The following PARN variants were observed in gnomAD, a reference collection of about 807,000 sequenced individuals.
The protein encoded by PARN is poly(A)-specific ribonuclease PARN.
A neutral mutation model predicts 102.8 loss-of-function variants in PARN; 71 were observed. The observed-to-expected ratio is 0.69, with a 90% CI of 0.57 to 0.84. The LOEUF is 0.84. Among genes scored for constraint, PARN ranks in the 40% least tolerant of loss-of-function variants. PARN has a pLI of 0.00. For synonymous variants in PARN, 261 were observed against 252.9 expected, an observed-to-expected ratio of 1.03 and a Z score of -0.30; for missense variants, 782 against 760.9, an observed-to-expected ratio of 1.03 and a Z score of -0.33.
chr16:14,610,201 G>A (rs1971444084), intron 7 of PARN, among the ~76,000 whole-genome samples: 1 of 152,208 alleles, frequency 6.6e-6, no homozygotes, highest in African/African-American at 2.4e-5. Context: ...GGCTAGGCAT[G>A]CTGGCTCATG....
chr16:14,470,293 G>A (rs1480075488), intron 22 of PARN, among the ~76,000 whole-genome samples: 1 of 151,848 alleles, frequency 6.6e-6, no homozygotes, highest in Admixed American at 6.6e-5. Flanking sequence ...GCCTTTAAAT[G>A]GAAATACTGA....
intron 21 of PARN, among the ~76,000 whole-genome samples, chr16:14,518,645 G>A (rs117988436): frequency 0.028 from 4,298 of 152,102 alleles, 83 homozygotes; most frequent in Non-Finnish European, 0.041. Flanking sequence ...GAAAAACAAT[G>A]GAAGGATGAA....
rs145713324 is a variant in PARN, at chr16:14,472,870, C to T, written c.1670+9768G>A. Among the ~76,000 whole-genome samples, 1,288 of 152,274 alleles carry T rather than the reference C, an allele frequency of 8.5e-3. 13 individuals are homozygous for T. Among genetic ancestry groups the T allele is most frequent in the African/African-American group, 0.029 (1,222 of 41,542 alleles). ...GGAATACACTTTCTTCTCAATGTCC[C>T]ATTTATGCAACTTTTTTTCTCTACA... is the stretch of plus-strand genomic sequence containing the variant. On this transcript the variant is annotated intron_variant, in intron 22 of 23. Coordinates refer to ENST00000437198, the MANE Select transcript of PARN (RefSeq NM_002582.4).
At chr16:14,558,915 C>T (rs1366237385) in intron 18 of PARN, among the ~76,000 whole-genome samples, 1 of 151,988 alleles carries the variant, frequency 6.6e-6, no homozygotes, top group Non-Finnish European at 1.5e-5. Flanking sequence ...AACTGAGAAG[C>T]CCAGGGAAAA....
At chr16:14,495,834 T>A (rs1964285349) in intron 21 of PARN, among the ~76,000 whole-genome samples, 1 of 151,132 alleles carries the variant, frequency 6.6e-6, no homozygotes, top group Admixed American at 6.6e-5. Context: ...AGGAGGGAGG[T>A]GTGTGCGCGG....
At chr16:14,475,307 G>A (rs1233291017) in intron 22 of PARN, among the ~76,000 whole-genome samples, 2 of 152,246 alleles carry the variant, frequency 1.3e-5, no homozygotes, top group African/African-American at 2.4e-5. Flanking sequence ...AGTTGCGAGT[G>A]TTGGTGTTGG....
At chr16:14,592,051 A>G in intron 13 of PARN, 1 of 152,068 alleles carries the variant, frequency 6.6e-6, no homozygotes, top group East Asian at 1.9e-4. Flanking sequence ...AAAAAAAAAG[A>G]ATCCAGATGT....
intron 6 of PARN, among the ~76,000 whole-genome samples, chr16:14,614,332 T>G (rs905918153): frequency 6.6e-6 from 1 of 151,800 alleles, no homozygotes; most frequent in Non-Finnish European, 1.5e-5. Flanking sequence ...GCCATTGGTA[T>G]AGAGGACTAA....
intron 21 of PARN, among the ~76,000 whole-genome samples, chr16:14,497,491 C>T (rs1964377280): frequency 6.6e-6 from 1 of 152,126 alleles, no homozygotes; most frequent in African/African-American, 2.4e-5. Flanking sequence ...GCACACACAC[C>T]ACCTGCATCA....
intron 22 of PARN, among the ~76,000 whole-genome samples, chr16:14,475,825 C>T (rs969397487): frequency 3.9e-5 from 6 of 152,114 alleles, no homozygotes; most frequent in Non-Finnish European, 7.4e-5. Flanking sequence ...TATGCCATTT[C>T]CCCCATACTT....
At chr16:14,580,969 T>G (rs1336715279) in intron 17 of PARN, 26 bp from the exon 18 acceptor site, 2 of 1,449,634 alleles carry the variant, frequency 1.4e-6, no homozygotes, top group Non-Finnish European at 1.9e-6. Context: ...AGAGAGGTAT[T>G]ATTATTCATA....
chr16:14,629,534 G>A (rs1972898966), intron 2 of PARN, 63 bp downstream of exon 2: 5 of 1,189,986 alleles, frequency 4.2e-6, no homozygotes, highest in Non-Finnish European at 6.3e-6. Flanking sequence ...GGGGGCTGGG[G>A]GATTGAAGGA....
rs569552816 is a variant in PARN at position 14,538,188 on chromosome 16, T to C, written c.1480+13833A>G. ...ACTAGGTTGTAAGATCATGGCTGAATTGTTTTCCTTGTATTTTCAAATATT... is the reference window on the plus strand; with the variant it reads ...ACTAGGTTGTAAGATCATGGCTGAACTGTTTTCCTTGTATTTTCAAATATT... On this transcript the variant is annotated intron_variant, in intron 21 of 23. Coordinates refer to ENST00000437198, the MANE Select transcript of PARN (RefSeq NM_002582.4). Among the ~76,000 whole-genome samples the C allele has an allele frequency of 2.6e-5, 4 of 152,118 alleles. No individual in the cohort carries two copies. In the South Asian group the frequency reaches 6.2e-4, roughly 24 times the overall value.
chr16:14,485,798 G>A (rs1596491669), intron 21 of PARN, among the ~76,000 whole-genome samples: 2 of 151,930 alleles, frequency 1.3e-5, no homozygotes, highest in African/African-American at 4.8e-5. Context: ...AGTGATTCTC[G>A]TGCCTCAGCC....
chr16:14,629,069 G>A (rs1305741845), intron 2 of PARN, among the ~76,000 whole-genome samples: 2 of 152,196 alleles, frequency 1.3e-5, no homozygotes, highest in African/African-American at 4.8e-5. Context: ...CCACTTATAT[G>A]AGATGTTAAG....
At chr16:14,567,853 G>C (rs140488024) in intron 18 of PARN, among the ~76,000 whole-genome samples, 4 of 152,094 alleles carry the variant, frequency 2.6e-5, no homozygotes, top group Non-Finnish European at 5.9e-5. Context: ...TAACACACAG[G>C]GTAGGTATTT....
chr16:14,463,532 T>A (rs1334800292), intron 22 of PARN, among the ~76,000 whole-genome samples: 4 of 151,886 alleles, frequency 2.6e-5, no homozygotes, highest in Non-Finnish European at 4.4e-5. Context: ...ATTAACAGAG[T>A]AGGACACTGA....
intron 23 of PARN, 146 bp from the exon 24 acceptor site, chr16:14,436,918 C>G (rs1960731576): frequency 2.2e-5 from 14 of 643,492 alleles, no homozygotes; most frequent in Admixed American, 5.3e-5. Flanking sequence ...TGGAAAGAGT[C>G]CACAGACAGG....
At chr16:14,450,439 G>A (rs1281758918) in intron 22 of PARN, among the ~76,000 whole-genome samples, 1 of 152,150 alleles carries the variant, frequency 6.6e-6, no homozygotes, top group Non-Finnish European at 1.5e-5. Context: ...AACCCTCTGA[G>A]GATAGACTGA....
Sources: gnomAD v4.1 joint callset for allele counts (sites outside exome capture counted in the v4.1 genomes callset) on GRCh38, gnomAD v4.1.1 for gene constraint, MANE v1.5 for transcripts, NCBI Gene and HGNC (gene_info 2026-07-23, HGNC 2026-07-21) for gene names.